Variants in GRID2 observed in about 807,000 individuals in gnomAD.
The protein encoded by GRID2 is glutamate ionotropic receptor delta type subunit 2.
A neutral mutation model predicts 114.8 loss-of-function variants in GRID2; 33 were observed. The observed-to-expected ratio is 0.29, with a 90% CI of 0.22 to 0.38. GRID2 has a LOEUF of 0.38. GRID2 is among the 10% of genes least tolerant of loss of function. The pLI is 1.00. For synonymous variants in GRID2, 505 were observed against 449.9 expected (o/e 1.12, Z -1.55); for missense variants, 1,184 against 1,257.7 (o/e 0.94, Z 0.89).
chr4:93,691,951 G>A (rs997640357), intron 14 of GRID2, among the ~76,000 whole-genome samples: 4 of 151,812 alleles, frequency 2.6e-5, no homozygotes, highest in Non-Finnish European at 4.4e-5. Context: ...GATTATAATA[G>A]TCCTAACCAT....
intron 2 of GRID2, among the ~76,000 whole-genome samples, chr4:92,597,750 A>G (rs2149216681): frequency 6.6e-6 from 1 of 152,244 alleles, no homozygotes; most frequent in Non-Finnish European, 1.5e-5. Context: ...TTTGAAACTG[A>G]CTCATTAGAG....
At chr4:93,163,356 GTATATATATATATA>G (rs57285537) in intron 4 of GRID2, among the ~76,000 whole-genome samples, 36 of 56,258 alleles carry the variant, frequency 6.4e-4, no homozygotes, top group Middle Eastern at 0.015. Context: ...TTTTTTTTGT[GTATATATATATATA>G]TATATATATA....
At chr4:92,629,704 G>T (rs1156941663) in intron 2 of GRID2, among the ~76,000 whole-genome samples, 1 of 151,084 alleles carries the variant, frequency 6.6e-6, no homozygotes, top group Non-Finnish European at 1.5e-5. Flanking sequence ...ATAAAAATTA[G>T]ATTTTTAAAA....
At chr4:92,641,107 C>T (rs1244978870) in intron 2 of GRID2, among the ~76,000 whole-genome samples, 1 of 151,584 alleles carries the variant, frequency 6.6e-6, no homozygotes, top group African/African-American at 2.4e-5. Context: ...CACATTTATT[C>T]CCAGAAGTTT....
chr4:92,714,329 C>T (rs1226395415), intron 2 of GRID2, among the ~76,000 whole-genome samples: 2 of 152,322 alleles, frequency 1.3e-5, no homozygotes, highest in East Asian at 3.9e-4. Flanking sequence ...TGTGTCTTCA[C>T]ATGGTACAGC....
intron 1 of GRID2, among the ~76,000 whole-genome samples, chr4:92,542,633 G>T (rs1457258796): frequency 6.6e-6 from 1 of 151,808 alleles, no homozygotes; most frequent in African/African-American, 2.4e-5. Flanking sequence ...CTCGGTGGGA[G>T]GGTGGAAGGG....
intron 1 of GRID2, among the ~76,000 whole-genome samples, chr4:92,380,876 G>T (rs961916510): frequency 9.2e-5 from 14 of 151,784 alleles, no homozygotes; most frequent in African/African-American, 3.1e-4. Context: ...GTGTAAATTT[G>T]ACTAATTAAA....
intron 8 of GRID2, among the ~76,000 whole-genome samples, chr4:93,246,897 A>G (rs1481789022): frequency 6.6e-6 from 1 of 152,138 alleles, no homozygotes; most frequent in Non-Finnish European, 1.5e-5. Context: ...TGTGGACCAA[A>G]TTGTTTCAGC....
chr4:92,761,056 A>G lies in GRID2; in HGVS notation c.244+170770A>G, dbSNP rs879760195. ...ATTTCATGTGTTTGATTTACTGCCT[A>G]TTTTAACTACATTGTATCCTGGATC... is the stretch of plus-strand genomic sequence containing the variant. On this transcript the variant is annotated intron_variant, in intron 2 of 15. Coordinates refer to ENST00000282020, the MANE Select transcript of GRID2 (RefSeq NM_001510.4). 8.5e-5 allele frequency among the ~76,000 whole-genome samples: 13 copies of G among 152,230 alleles called. No homozygotes were observed. The South Asian group carries it at 1.5e-3, about 17-fold the overall frequency.
chr4:93,203,457 G>A (rs79146497), intron 4 of GRID2, among the ~76,000 whole-genome samples: 3,662 of 151,784 alleles, frequency 0.024, 147 homozygotes, highest in African/African-American at 0.082. Context: ...AGTATAATTC[G>A]TTTTTCTTCT....
chr4:92,539,325 A>G (rs1028266062), intron 1 of GRID2, among the ~76,000 whole-genome samples: 2 of 152,186 alleles, frequency 1.3e-5, no homozygotes, highest in Non-Finnish European at 2.9e-5. Context: ...ATTTATTACT[A>G]TAAAATGGTG....
At chr4:92,737,480 T>A (rs1282849313) in intron 2 of GRID2, among the ~76,000 whole-genome samples, 3 of 152,090 alleles carry the variant, frequency 2.0e-5, no homozygotes, top group Non-Finnish European at 4.4e-5. Flanking sequence ...AACAATTTAT[T>A]TAAGTACAAT....
At chr4:93,470,740 G>A (rs961441730) in intron 11 of GRID2, among the ~76,000 whole-genome samples, 1 of 151,936 alleles carries the variant, frequency 6.6e-6, no homozygotes, top group African/African-American at 2.4e-5. Flanking sequence ...AACAAATATT[G>A]TGTAATGCAC....
At chr4:92,398,525 C>G (rs573901838) in intron 1 of GRID2, among the ~76,000 whole-genome samples, 1 of 152,262 alleles carries the variant, frequency 6.6e-6, no homozygotes, top group South Asian at 2.1e-4. Context: ...TCTCAAACTC[C>G]TGGGCTCAAG....
At chr4:92,634,183 C>T (rs886238740) in intron 2 of GRID2, among the ~76,000 whole-genome samples, 9 of 151,778 alleles carry the variant, frequency 5.9e-5, no homozygotes, top group African/African-American at 1.7e-4. Flanking sequence ...TGTTGGGCCA[C>T]ATTCAAAGCC....
chr4:92,598,505 T>A (rs537854552), intron 2 of GRID2, among the ~76,000 whole-genome samples: 1 of 152,286 alleles, frequency 6.6e-6, no homozygotes, highest in African/African-American at 2.4e-5. Flanking sequence ...ATGTAAATCT[T>A]AAACTTGGTT....
At chr4:93,251,123 T>C (rs531248057) in intron 8 of GRID2, among the ~76,000 whole-genome samples, 9 of 152,292 alleles carry the variant, frequency 5.9e-5, no homozygotes, top group African/African-American at 2.2e-4. Flanking sequence ...ACATTATTTC[T>C]AGCTATGGAA....
intron 14 of GRID2, among the ~76,000 whole-genome samples, chr4:93,689,165 C>A (rs902378529): frequency 6.6e-6 from 1 of 151,942 alleles, no homozygotes; most frequent in Non-Finnish European, 1.5e-5. Flanking sequence ...GAGAAACCAA[C>A]CCTGCTGACA....
At chr4:92,817,359 C>A (rs1002331061) in intron 2 of GRID2, among the ~76,000 whole-genome samples, 1 of 151,958 alleles carries the variant, frequency 6.6e-6, no homozygotes, top group Non-Finnish European at 1.5e-5. Flanking sequence ...ACTTTTAATA[C>A]CATTCTCTCC....
Sources: allele counts gnomAD v4.1 joint callset (sites outside exome capture counted in the v4.1 genomes callset), GRCh38; gene constraint gnomAD v4.1.1; transcripts MANE v1.5; gene names NCBI Gene and HGNC (gene_info 2026-07-23, HGNC 2026-07-21).